Variants in RPS6KA6 observed in about 807,000 individuals in gnomAD.
RPS6KA6 encodes the protein ribosomal protein S6 kinase alpha-6.
RPS6KA6 carries 27 observed loss-of-function variants against 65.4 expected under a neutral mutation model. That is an observed-to-expected ratio of 0.41 (90% CI 0.30 to 0.57). RPS6KA6 has a LOEUF of 0.57. Ranked by LOEUF, RPS6KA6 falls within the 20% of genes least tolerant of loss-of-function variation. The probability of loss-of-function intolerance (pLI) is 0.24; values close to 1 mark genes in which losing one functional copy is unlikely to be tolerated. For missense variants in RPS6KA6, 486 were observed against 555.6 expected, an observed-to-expected ratio of 0.87 and a Z score of 1.26; for synonymous variants, 190 against 184.2, an observed-to-expected ratio of 1.03 and a Z score of -0.26.
At chrX:84,114,942 G>A (rs2147459198) in intron 12 of RPS6KA6, among the ~76,000 whole-genome samples, 1 of 111,865 alleles carries the variant, frequency 8.9e-6, no homozygotes, top group South Asian at 3.7e-4. Context: ...ATCTCTCACT[G>A]TTTACAATAA....
At chrX:84,132,638 C>A (rs2034919490) in intron 8 of RPS6KA6, among the ~76,000 whole-genome samples, 1 of 105,323 alleles carries the variant, frequency 9.5e-6, no homozygotes. Flanking sequence ...GAAAAGGATG[C>A]AGGATTTCAG....
intron 3 of RPS6KA6, among the ~76,000 whole-genome samples, chrX:84,149,843 A>G (rs1401202029): frequency 8.9e-6 from 1 of 111,878 alleles, no homozygotes. Flanking sequence ...GCTTCTATCA[A>G]GAGAGTCAGC....
At chrX:84,187,165 G>T (rs1465974427) in intron 1 of RPS6KA6, among the ~76,000 whole-genome samples, 2 of 111,669 alleles carry the variant, frequency 1.8e-5, no homozygotes, top group Non-Finnish European at 3.8e-5. Context: ...AAGGGGTGGA[G>T]CAAGAGTGCA....
intron 3 of RPS6KA6, among the ~76,000 whole-genome samples, chrX:84,154,232 A>C (rs2035376729): frequency 9.0e-6 from 1 of 111,450 alleles, no homozygotes; most frequent in Admixed American, 9.6e-5. Context: ...TTGTGAACAG[A>C]GTGTACTCCT....
At chrX:84,163,066 T>A (rs143675999) in intron 2 of RPS6KA6, among the ~76,000 whole-genome samples, 1,386 of 111,828 alleles carry the variant, frequency 0.012, 25 homozygotes, top group African/African-American at 0.043. Context: ...CTGGTTTCTA[T>A]CTGAGCTAAT....
intron 12 of RPS6KA6, among the ~76,000 whole-genome samples, chrX:84,112,938 GAGA>G (rs1463715014): frequency 9.0e-6 from 1 of 111,691 alleles, no homozygotes; most frequent in Non-Finnish European, 1.9e-5. Flanking sequence ...GAAGAAAAGA[GAGA>G]AGATTCTAAC....
At chrX:84,175,256 A>G (rs909006974) in intron 1 of RPS6KA6, among the ~76,000 whole-genome samples, 2 of 111,523 alleles carry the variant, frequency 1.8e-5, no homozygotes, top group Non-Finnish European at 3.8e-5. Context: ...CCTCTCGTGG[A>G]TGCCAAAATC....
At chrX:84,092,876 T>C (rs1010806793) in intron 20 of RPS6KA6, among the ~76,000 whole-genome samples, 7 of 111,700 alleles carry the variant, frequency 6.3e-5, no homozygotes, top group African/African-American at 2.3e-4. Context: ...GAGCTATCTG[T>C]ATGCTCAGGT....
rs781697744 is a variant in RPS6KA6 at position 84,135,139 on chromosome X, T to C, written c.573A>G (p.Gln191=). The C allele has an allele frequency of 5.8e-6, 7 of 1,206,347 alleles. No individual in the cohort carries two copies. The highest frequency in any genetic ancestry group is 1.8e-5 in the South Asian group (1 of 56,522). The stretch of plus-strand genomic sequence containing the variant: ...TCAGGTCTCTATAAACAATTCCTAA[T>C]TGGTGCAGATGATCCAAAGCAAGGG... ...ELALALDHLH[Q]LGIVYRDLKP... is the part of the protein sequence containing the mutation. Residue 191 remains glutamine, a synonymous_variant, in exon 7 of 22, where the codon CAA becomes CAG. Transcript: ENST00000262752.
chrX:84,073,004 G>C (rs2033580937), intron 20 of RPS6KA6, among the ~76,000 whole-genome samples: 1 of 111,399 alleles, frequency 9.0e-6, no homozygotes, highest in African/African-American at 3.3e-5. Context: ...AGGTATCAAT[G>C]GCATTCTTCA....
intron 20 of RPS6KA6, among the ~76,000 whole-genome samples, chrX:84,088,557 G>A (rs1000414741): frequency 8.9e-6 from 1 of 112,064 alleles, no homozygotes; most frequent in African/African-American, 3.2e-5. Context: ...TCCTGTAGGA[G>A]GTGTCTGGAG....
chrX:84,062,232 C>T lies in RPS6KA6; in HGVS notation c.*2045G>A, dbSNP rs1356897878. 6 of 111,316 alleles carry T rather than the reference C, an allele frequency of 5.4e-5. No homozygotes were observed. Among genetic ancestry groups the T allele is most frequent in the African/African-American group, 9.8e-5 (3 of 30,695 alleles). The allele number at this position is 111,316 out of a possible 1,213,427, so 9.2% of individuals were successfully genotyped here. A position where few individuals can be genotyped will look rare whatever the true frequency, so the allele number is the denominator to read the frequency against. ...AATTAAGACTGTCTACTTTTTAAAG[C>T]CATTGATTATAGAAAACCTGAAAGT... On this transcript the variant is annotated 3_prime_UTR_variant, in exon 22 of 22. Transcript: ENST00000262752.
intron 2 of RPS6KA6, among the ~76,000 whole-genome samples, chrX:84,162,832 G>A (rs1180163964): frequency 1.8e-5 from 2 of 111,732 alleles, no homozygotes; most frequent in African/African-American, 6.5e-5. Context: ...ATGAACTGTA[G>A]ACAAATCTCT....
chrX:84,079,892 A>G (rs1780909312), intron 20 of RPS6KA6, among the ~76,000 whole-genome samples: 1 of 112,271 alleles, frequency 8.9e-6, no homozygotes, highest in Admixed American at 9.4e-5. Flanking sequence ...GCAGCTGTGG[A>G]TGCAGCTTCA....
In RPS6KA6 at chrX:84,080,066, T is replaced by A. The variant is rs771804424; in HGVS notation, c.1972-14955A>T. 9.8e-4 allele frequency among the ~76,000 whole-genome samples: 108 copies of A among 110,383 alleles called. 1 individual carries two copies. In the South Asian group the frequency reaches 0.011, roughly 12 times the overall value. On this transcript the variant is annotated intron_variant, in intron 20 of 21. Transcript: ENST00000262752. ...TCAGCAGGGGTCAACAAACACCTCA[T>A]ACAGGAGAGCTCTGGCTGGCATCTG...
chrX:84,117,739 T>G (rs1247224338), intron 9 of RPS6KA6, among the ~76,000 whole-genome samples: 1 of 111,687 alleles, frequency 9.0e-6, no homozygotes, highest in African/African-American at 3.3e-5. Context: ...GCCAAAGCAA[T>G]TTGAAAATAC....
chrX:84,166,854 A>G (rs1436423825), intron 1 of RPS6KA6, among the ~76,000 whole-genome samples: 4 of 111,420 alleles, frequency 3.6e-5, no homozygotes, highest in Non-Finnish European at 1.9e-5. Flanking sequence ...ATAGTTGTAC[A>G]TATTTGTGAA....
rs2034637378 is a variant in RPS6KA6, at chrX:84,119,897, A to G, written c.777T>C (p.Tyr259=). ...GHSQSADWWS[Y]GVLMFEMLTG... is the part of the protein sequence containing the mutation. ...TAATGCTACTTACCATAAGAACACC[A>G]TATGACCACCAATCAGCACTCTGGG... Residue 259 remains tyrosine, a synonymous_variant, in exon 9 of 22, where the codon TAT becomes TAC. Coordinates refer to ENST00000262752, the MANE Select transcript of RPS6KA6 (RefSeq NM_014496.5). 2 of 1,190,012 alleles carry G rather than the reference A, an allele frequency of 1.7e-6. No homozygotes were observed. Among genetic ancestry groups the G allele is most frequent in the Non-Finnish European group, 2.3e-6 (2 of 885,063 alleles).
At chrX:84,156,024 T>C (rs750305175) in intron 3 of RPS6KA6, 51 bp downstream of exon 3, 6 of 694,886 alleles carry the variant, frequency 8.6e-6, no homozygotes, top group Non-Finnish European at 1.4e-5. Context: ...GTTCACTTTT[T>C]TTGCTAAATG....
Sources: allele counts gnomAD v4.1 joint callset (sites outside exome capture counted in the v4.1 genomes callset), GRCh38; gene constraint gnomAD v4.1.1; transcripts MANE v1.5; gene names NCBI Gene and HGNC (gene_info 2026-07-23, HGNC 2026-07-21).